Variants in LSM11 observed in about 807,000 individuals in gnomAD.
LSM11 encodes the protein LSM11, U7 small nuclear RNA associated, also known as U7 snRNA-associated Sm-like protein LSm11.
Under a neutral mutation model 28.1 loss-of-function variants are expected in LSM11, and 14 were observed. The observed-to-expected ratio is 0.50, with a 90% CI of 0.33 to 0.78. LSM11 has a LOEUF of 0.78. LSM11 is among the 30% of genes least tolerant of loss of function. LSM11 has a pLI of 0.02. For missense variants in LSM11, 495 were observed against 510.6 expected, an observed-to-expected ratio of 0.97 and a Z score of 0.30; for synonymous variants, 207 against 214.2, an observed-to-expected ratio of 0.97 and a Z score of 0.30.
At chr5:157,751,138 G>A (rs1260799951) in intron 1 of LSM11, among the ~76,000 whole-genome samples, 1 of 152,162 alleles carries the variant, frequency 6.6e-6, no homozygotes, top group South Asian at 2.1e-4. Flanking sequence ...TGGAATAAGA[G>A]ATATACCGGT....
Position 157,759,717 on chromosome 5 carries a change from C to T in LSM11, c.*4453C>T, listed in dbSNP as rs900007997. 1 of 152,166 alleles carries T rather than the reference C, an allele frequency of 6.6e-6. No individual in the cohort carries two copies. The highest frequency in any genetic ancestry group is 2.4e-5 in the African/African-American group (1 of 41,430). The allele number at this position is 152,166 out of a possible 1,614,324, so 9.4% of individuals were successfully genotyped here. A position where few individuals can be genotyped will look rare whatever the true frequency, so the allele number is the denominator to read the frequency against. The stretch of plus-strand genomic sequence containing the variant: ...CTTATGTTCACCAGTCTGTGCTTTT[C>T]TTCTCCCAGAAGGCTTTTCTTAGTG... On this transcript the variant is annotated 3_prime_UTR_variant, in exon 4 of 4. Transcript: ENST00000286307.
intron 1 of LSM11, among the ~76,000 whole-genome samples, chr5:157,748,744 G>A (rs1761181466): frequency 6.6e-6 from 1 of 152,154 alleles, no homozygotes; most frequent in South Asian, 2.1e-4. Flanking sequence ...GCATGATTGA[G>A]AACAGTTATT....
At position 157,759,547 on chromosome 5, in the gene LSM11, T is replaced by C. The variant is rs1351361843; in HGVS notation, c.*4283T>C. 6.6e-6 allele frequency: 1 copy of C among 152,250 alleles called. No individual in the cohort carries two copies. The highest frequency in any genetic ancestry group is 1.5e-5 in the Non-Finnish European group (1 of 68,036). The allele number at this position is 152,250 out of a possible 1,614,324, so 9.4% of individuals were successfully genotyped here. A position where few individuals can be genotyped will look rare whatever the true frequency, so the allele number is the denominator to read the frequency against. On this transcript the variant is annotated 3_prime_UTR_variant, in exon 4 of 4. Coordinates refer to ENST00000286307, the MANE Select transcript of LSM11 (RefSeq NM_173491.4). ...TACCCCAAAGCTTTCCAATCTTTTATGTATTTTTTGTGAATGAAACTGTTG... is the reference window on the plus strand; with the variant it reads ...TACCCCAAAGCTTTCCAATCTTTTACGTATTTTTTGTGAATGAAACTGTTG...
intron 2 of LSM11, 45 bp downstream of exon 2, chr5:157,751,574 A>G: frequency 1.4e-6 from 2 of 1,430,022 alleles, no homozygotes; most frequent in Non-Finnish European, 1.8e-6. Context: ...CCTACAGATT[A>G]TATCTTCTAT....
At chr5:157,744,480 G>T (rs920328441) in intron 1 of LSM11, among the ~76,000 whole-genome samples, 1 of 152,158 alleles carries the variant, frequency 6.6e-6, no homozygotes, top group African/African-American at 2.4e-5. Context: ...CGTGGGAAAG[G>T]TCTTCAGCGG....
chr5:157,752,345 G>C (rs1761250453), intron 2 of LSM11, among the ~76,000 whole-genome samples: 3 of 151,466 alleles, frequency 2.0e-5, no homozygotes, highest in Admixed American at 2.0e-4. Context: ...GGCCAGGCTG[G>C]TCTTGAACTC....
At chr5:157,754,129 T>A in intron 3 of LSM11, 42 bp downstream of exon 3, 1 of 1,356,520 alleles carries the variant, frequency 7.4e-7, no homozygotes. Context: ...CCATCATGCT[T>A]TCCAGCTTAG....
chr5:157,752,653 C>T lies in LSM11; in HGVS notation c.588+1124C>T, dbSNP rs151180192. ...CTGAGGCCAGGAGTTCAAGACCAGC[C>T]TGGCCAACATAGGGAAACCCCCATC... On this transcript the variant is annotated intron_variant, in intron 2 of 3. Transcript: ENST00000286307. Among the ~76,000 whole-genome samples, 1,309 of 151,540 alleles carry T rather than the reference C, an allele frequency of 8.6e-3. 22 individuals carry two copies. Among genetic ancestry groups the T allele is most frequent in the African/African-American group, 0.029 (1,220 of 41,378 alleles).
chr5:157,758,960 T>C lies in LSM11; in HGVS notation c.*3696T>C, dbSNP rs368283524. The C allele has an allele frequency of 2.9e-4, 44 of 152,378 alleles. No homozygotes were observed. Among genetic ancestry groups the C allele is most frequent in the African/African-American group, 1.1e-3 (44 of 41,588 alleles). The allele number at this position is 152,378 out of a possible 1,614,324, so 9.4% of individuals were successfully genotyped here. A position where few individuals can be genotyped will look rare whatever the true frequency, so the allele number is the denominator to read the frequency against. On this transcript the variant is annotated 3_prime_UTR_variant, in exon 4 of 4. Coordinates refer to ENST00000286307, the MANE Select transcript of LSM11 (RefSeq NM_173491.4). Reference sequence around the variant, plus strand: ...TCTCCCATTAGTAGAACTTGCACTTTGGGCTGTCTGTTCTAGTATTTGGGA... The same window carrying C: ...TCTCCCATTAGTAGAACTTGCACTTCGGGCTGTCTGTTCTAGTATTTGGGA...
chr5:157,754,908 T>C lies in LSM11; in HGVS notation c.727T>C (p.Ser243Pro). ...CTCCAAGAAGGAAGCAGATTCTAAG[T>C]CTGCAGTTGAAGATTCCACTCTGTC... ...DSSKKEADSK[S>P]AVEDSTLSRY... The change falls in exon 4 of 4, where the codon TCT (serine) becomes CCT (proline). Residue 243 changes from serine (S) to proline (P), a missense_variant. Coordinates refer to ENST00000286307, the MANE Select transcript of LSM11 (RefSeq NM_173491.4). 6.2e-7 allele frequency: 1 copy of C among 1,614,174 alleles called. No homozygotes were observed. Among genetic ancestry groups the C allele is most frequent in the Non-Finnish European group, 8.5e-7 (1 of 1,180,004 alleles).
intron 1 of LSM11, among the ~76,000 whole-genome samples, chr5:157,746,123 A>ACAGTTT (rs1159083513): frequency 1.3e-5 from 2 of 150,990 alleles, no homozygotes; most frequent in East Asian, 3.8e-4. Context: ...TATGTATGCC[A>ACAGTTT]CAGTTTTAAT....
rs1210188811 is a variant in LSM11, at chr5:157,743,787, G to A, written c.37G>A (p.Ala13Thr). ...GGAGCGGGGGGCGAGGTCGGCTGGC[G>A]CCGGGAGCCCCGCGCGCCCGCCCAG... is the stretch of plus-strand genomic sequence containing the variant. ...ERERGARSAG[A>T]GSPARPPSPR... is the part of the protein sequence containing the mutation. The change falls in exon 1 of 4, where the codon GCC becomes ACC. Residue 13 changes from alanine (A) to threonine (T), a missense_variant. Physicochemically the swap from Ala to Thr is moderately conservative, Grantham distance 58 (BLOSUM62 0). Coordinates refer to ENST00000286307, the MANE Select transcript of LSM11 (RefSeq NM_173491.4). 7.6e-6 allele frequency: 11 copies of A among 1,438,424 alleles called. No homozygotes were observed. In the Admixed American group the frequency reaches 2.3e-4, roughly 30 times the overall value. The allele number at this position is 1,438,424 out of a possible 1,614,324, so 89.1% of individuals were successfully genotyped here.
chr5:157,751,341 AATG>A lies in LSM11; in HGVS notation c.449-47_449-45del, dbSNP rs201146545. On this transcript the variant is annotated intron_variant, in intron 1 of 3. Coordinates refer to ENST00000286307, the MANE Select transcript of LSM11 (RefSeq NM_173491.4). ...TGGGTGGTCGTGGCTTAATTCTGGGAATGAGGGCAGATATTAAAACTGTCCTGA... is the reference window on the plus strand; with the variant it reads ...TGGGTGGTCGTGGCTTAATTCTGGGAAGGGCAGATATTAAAACTGTCCTGA... 2,552 of 1,510,684 alleles carry A rather than the reference AATG, an allele frequency of 1.7e-3. 43 individuals carry two copies. The African/African-American group carries it at 0.03, about 18-fold the overall frequency. The allele number at this position is 1,510,684 out of a possible 1,614,324, so 93.6% of individuals were successfully genotyped here.
chr5:157,755,734 G>C lies in LSM11; in HGVS notation c.*470G>C. 1 of 401,842 alleles carries C rather than the reference G, an allele frequency of 2.5e-6. No individual in the cohort carries two copies. 24.9% of individuals were successfully genotyped at this position (401,842 alleles called of 1,614,324 possible). On this transcript the variant is annotated 3_prime_UTR_variant, in exon 4 of 4. Coordinates refer to ENST00000286307, the MANE Select transcript of LSM11 (RefSeq NM_173491.4). Reference sequence around the variant, plus strand: ...CATCCACGTCTTGTAACTAACTTTTGAATTTTGCCTGACATGATTCTCTCT... The same window carrying C: ...CATCCACGTCTTGTAACTAACTTTTCAATTTTGCCTGACATGATTCTCTCT...
At position 157,755,269 on chromosome 5, in the gene LSM11, C is replaced by T. The variant is rs1761306434; in HGVS notation, c.*5C>T. Reference sequence around the variant, plus strand: ...CTGGTTCATCTTGCACAGTGACCAGCTCAGCCTGAGCTTTGGTTTTTAGAA... The same window carrying T: ...CTGGTTCATCTTGCACAGTGACCAGTTCAGCCTGAGCTTTGGTTTTTAGAA... On this transcript the variant is annotated 3_prime_UTR_variant, in exon 4 of 4. Transcript: ENST00000286307. 6.2e-7 allele frequency: 1 copy of T among 1,611,552 alleles called. No homozygotes were observed. Among genetic ancestry groups the T allele is most frequent in the African/African-American group, 1.3e-5 (1 of 74,870 alleles).
intron 1 of LSM11, among the ~76,000 whole-genome samples, chr5:157,746,337 A>ACCT (rs1761147714): frequency 6.6e-6 from 1 of 152,250 alleles, no homozygotes; most frequent in African/African-American, 2.4e-5. Context: ...CAGCAAGAAG[A>ACCT]AGCTTTGTTA....
At position 157,751,544 on chromosome 5, in the gene LSM11, C is replaced by T; in HGVS notation, c.588+15C>T. The T allele has an allele frequency of 1.2e-6, 2 of 1,610,056 alleles. No homozygotes were observed. The highest frequency in any genetic ancestry group is 1.1e-5 in the South Asian group (1 of 90,146). On this transcript the variant is annotated intron_variant, in intron 2 of 3. Coordinates refer to ENST00000286307, the MANE Select transcript of LSM11 (RefSeq NM_173491.4). The stretch of plus-strand genomic sequence containing the variant: ...TCTGGAATATGGTAATTAAGCCTTT[C>T]TCAAGGGGCTGGAGAACCTCCTACA...
intron 1 of LSM11, 98 bp from the exon 2 acceptor site, chr5:157,751,292 G>T (rs1000335952): frequency 3.0e-6 from 4 of 1,334,030 alleles, no homozygotes; most frequent in Non-Finnish European, 3.0e-6. Context: ...ACTCTACCAT[G>T]GGCCACATGT....
In LSM11 at chr5:157,756,213, A is replaced by G. The variant is rs1761325252; in HGVS notation, c.*949A>G. On this transcript the variant is annotated 3_prime_UTR_variant, in exon 4 of 4. Coordinates refer to ENST00000286307, the MANE Select transcript of LSM11 (RefSeq NM_173491.4). ...CCAGCATGTGTAGAATATCTTTCAG[A>G]ATATGGTTTCACCATGAAACAGGGG... The G allele has an allele frequency of 2.6e-5, 4 of 152,856 alleles. No individual in the cohort carries two copies. In the South Asian group the frequency reaches 8.3e-4, roughly 32 times the overall value. 9.5% of individuals were successfully genotyped at this position (152,856 alleles called of 1,614,324 possible). A position where few individuals can be genotyped will look rare whatever the true frequency, so the allele number is the denominator to read the frequency against.
Sources: gnomAD v4.1 joint callset for allele counts (sites outside exome capture counted in the v4.1 genomes callset) on GRCh38, gnomAD v4.1.1 for gene constraint, MANE v1.5 for transcripts, NCBI Gene and HGNC (gene_info 2026-07-23, HGNC 2026-07-21) for gene names.